TYW1B: variants seen among roughly 807,000 people sequenced by gnomAD.
TYW1B encodes tRNA-yW synthesizing protein 1 homolog B.
In TYW1B, 73 loss-of-function variants were observed where a neutral mutation model predicts 86.9. The observed-to-expected ratio is 0.84, with a 90% CI of 0.70 to 1.02. The LOEUF is 1.02. TYW1B is among the 50% of genes least tolerant of loss of function. The pLI is 0.00. For synonymous variants in TYW1B, 248 were observed against 292.8 expected (o/e 0.85, Z 1.56); for missense variants, 637 against 827.4 (o/e 0.77, Z 2.82).
intron 10 of TYW1B, among the ~76,000 whole-genome samples, chr7:72,698,777 T>C (rs868958383): frequency 6.6e-5 from 10 of 152,298 alleles, no homozygotes; most frequent in Middle Eastern, 6.8e-3. Flanking sequence ...TGTGGCTCAG[T>C]GTTCAAGTCA....
intron 11 of TYW1B, among the ~76,000 whole-genome samples, chr7:72,632,321 T>TTATATA (rs71069094): frequency 1.1e-4 from 8 of 74,314 alleles, no homozygotes; most frequent in African/African-American, 8.0e-4. Flanking sequence ...ATTATATATA[T>TTATATA]TATATATATA....
chr7:72,665,775 C>A (rs1554445170), intron 11 of TYW1B, among the ~76,000 whole-genome samples: 2 of 152,150 alleles, frequency 1.3e-5, no homozygotes. Context: ...ATTTGCTTGT[C>A]CTCAGAAGCT....
intron 2 of TYW1B, among the ~76,000 whole-genome samples, chr7:72,818,325 T>C (rs1554479802): frequency 6.6e-6 from 1 of 151,894 alleles, no homozygotes; most frequent in African/African-American, 2.4e-5. Context: ...CTCATGCCTG[T>C]AATCCCAGCA....
At chr7:72,606,608 C>CT (rs1491434683) in intron 13 of TYW1B, among the ~76,000 whole-genome samples, 2 of 54,290 alleles carry the variant, frequency 3.7e-5, no homozygotes, top group East Asian at 1.3e-3. Flanking sequence ...AGCAATAAGG[C>CT]CCCCCCCCCG....
At chr7:72,785,061 C>T (rs1461611035) in intron 6 of TYW1B, among the ~76,000 whole-genome samples, 1 of 151,898 alleles carries the variant, frequency 6.6e-6, no homozygotes, top group Non-Finnish European at 1.5e-5. Flanking sequence ...ACACCCCACT[C>T]CCCCCATATC....
intron 13 of TYW1B, among the ~76,000 whole-genome samples, 188 bp downstream of exon 13, chr7:72,616,484 C>T (rs1273994390): frequency 2.0e-5 from 3 of 152,150 alleles, no homozygotes; most frequent in Admixed American, 6.5e-5. Context: ...AAACAAGAAG[C>T]AATTTCACAT....
At chr7:72,686,523 A>G (rs1433462200) in intron 11 of TYW1B, among the ~76,000 whole-genome samples, 1 of 152,196 alleles carries the variant, frequency 6.6e-6, no homozygotes, top group Non-Finnish European at 1.5e-5. Flanking sequence ...AGACAGTAAA[A>G]GATCCATCCA....
At chr7:72,817,765 T>C (rs1586008264) in intron 2 of TYW1B, among the ~76,000 whole-genome samples, 2 of 152,150 alleles carry the variant, frequency 1.3e-5, no homozygotes, top group East Asian at 1.9e-4. Context: ...GTAATGTTCC[T>C]TGGGTTTTTA....
At chr7:72,730,931 A>C (rs1787093937) in intron 8 of TYW1B, among the ~76,000 whole-genome samples, 2 of 12,312 alleles carry the variant, frequency 1.6e-4, no homozygotes, top group African/African-American at 1.8e-4. Flanking sequence ...ATTAAATGCC[A>C]AAAAAAAAAA....
At chr7:72,676,633 G>A (rs1442018317) in intron 11 of TYW1B, among the ~76,000 whole-genome samples, 1 of 152,076 alleles carries the variant, frequency 6.6e-6, no homozygotes, top group Non-Finnish European at 1.5e-5. Context: ...CAGTTAGTTG[G>A]ATGCTTCAGC....
intron 5 of TYW1B, among the ~76,000 whole-genome samples, chr7:72,803,941 A>G (rs1229743406): frequency 6.6e-6 from 1 of 151,922 alleles, no homozygotes; most frequent in South Asian, 2.1e-4. Flanking sequence ...GAGGTGAAGT[A>G]GTTGTTTGTT....
At chr7:72,731,393 C>CAA (rs59262388) in intron 8 of TYW1B, among the ~76,000 whole-genome samples, 3,008 of 32,854 alleles carry the variant, frequency 0.092, 319 homozygotes, top group African/African-American at 0.11. Flanking sequence ...TACCAAACTG[C>CAA]AAAAAAAAAA....
At chr7:72,717,948 T>C (rs1786822484) in intron 9 of TYW1B, among the ~76,000 whole-genome samples, 2 of 152,090 alleles carry the variant, frequency 1.3e-5, no homozygotes, top group Admixed American at 1.3e-4. Flanking sequence ...CCATCCAACC[T>C]AGCAATCCCA....
intron 13 of TYW1B, among the ~76,000 whole-genome samples, chr7:72,600,276 A>C (rs1811630077): frequency 6.6e-6 from 1 of 152,234 alleles, no homozygotes; most frequent in African/African-American, 2.4e-5. Context: ...AAGAAATGAT[A>C]ACCTTTTCAA....
intron 11 of TYW1B, among the ~76,000 whole-genome samples, chr7:72,646,278 T>C (rs1456043265): frequency 1.3e-4 from 20 of 152,224 alleles, no homozygotes; most frequent in Middle Eastern, 3.4e-3. Flanking sequence ...GCCAGGCTGG[T>C]CTCAAACTCC....
At chr7:72,799,227 C>T (rs112029235) in intron 6 of TYW1B, among the ~76,000 whole-genome samples, 116,031 of 147,822 alleles carry the variant, frequency 0.78, 45,665 homozygotes, top group Non-Finnish European at 0.8. Context: ...GGCATGATCT[C>T]GGCTGACTGC....
chr7:72,625,916 A>C (rs1812338017), intron 12 of TYW1B, among the ~76,000 whole-genome samples: 1 of 146,982 alleles, frequency 6.8e-6, no homozygotes. Flanking sequence ...GGAAGAAAGG[A>C]AGGAAATGAA....
At position 72,763,950 on chromosome 7, in the gene TYW1B, T is replaced by C. The variant is rs1444215538; in HGVS notation, c.964+13466A>G. On this transcript the variant is annotated intron_variant, in intron 7 of 13. Transcript: ENST00000620995. Reference sequence around the variant, plus strand: ...TGTGGGTATGTTATTGATATAAATATTCTAAAAAGTATATAAATTCATTAA... The same window carrying C: ...TGTGGGTATGTTATTGATATAAATACTCTAAAAAGTATATAAATTCATTAA... Among the ~76,000 whole-genome samples, 3 of 152,220 alleles carry C rather than the reference T, an allele frequency of 2.0e-5. No individual in the cohort carries two copies. In the East Asian group the frequency reaches 5.8e-4, roughly 29 times the overall value.
chr7:72,618,548 A>G (rs1204275641), intron 12 of TYW1B, among the ~76,000 whole-genome samples: 1 of 152,126 alleles, frequency 6.6e-6, no homozygotes, highest in Non-Finnish European at 1.5e-5. Context: ...ACAAATGAGC[A>G]GAGTGACCCT....
Sources: allele counts gnomAD v4.1 joint callset (sites outside exome capture counted in the v4.1 genomes callset), GRCh38; gene constraint gnomAD v4.1.1; transcripts MANE v1.5; gene names NCBI Gene and HGNC (gene_info 2026-07-23, HGNC 2026-07-21).